Variants in CDK5RAP2 observed in about 807,000 individuals in gnomAD.
The protein encoded by CDK5RAP2 is CDK5 regulatory subunit associated protein 2.
In CDK5RAP2, 147 loss-of-function variants were observed where a neutral mutation model predicts 232.9. That is an observed-to-expected ratio of 0.63 (90% CI 0.55 to 0.72). The LOEUF is 0.72. Among genes scored for constraint, CDK5RAP2 ranks in the 30% least tolerant of loss-of-function variants. CDK5RAP2 has a pLI of 0.00. For missense variants in CDK5RAP2, 2,195 were observed against 2,231.5 expected (o/e 0.98, Z 0.33); for synonymous variants, 833 against 833.7 (o/e 1.00, Z 0.01).
chr9:120,514,376 A>G (rs552410080), intron 12 of CDK5RAP2, among the ~76,000 whole-genome samples: 102 of 152,232 alleles, frequency 6.7e-4, no homozygotes, highest in Middle Eastern at 6.8e-3. Flanking sequence ...ACACACGCAC[A>G]CACACACACA....
chr9:120,471,851 G>C lies in CDK5RAP2; in HGVS notation c.1755C>G (p.Asn585Lys). ...GTTGCTTCCGCAGGGCAAAAATCTTGTTTAACTCAGCCTGCAGGTTGTTGA... is the reference window on the plus strand; with the variant it reads ...GTTGCTTCCGCAGGGCAAAAATCTTCTTTAACTCAGCCTGCAGGTTGTTGA... ...DSINNLQAEL[N>K]KIFALRKQLE... The change falls in exon 16 of 38, where the codon AAC becomes AAG. Residue 585 changes from asparagine to lysine, a missense_variant. Physicochemically the swap from Asn to Lys is moderately conservative, Grantham distance 94. Coordinates refer to ENST00000349780, the MANE Select transcript of CDK5RAP2 (RefSeq NM_018249.6). 3 of 1,614,090 alleles carry C rather than the reference G, an allele frequency of 1.9e-6. No individual in the cohort carries two copies. Among genetic ancestry groups the C allele is most frequent in the Non-Finnish European group, 2.5e-6 (3 of 1,179,940 alleles).
intron 6 of CDK5RAP2, among the ~76,000 whole-genome samples, chr9:120,536,983 A>ATGTTTTC (rs2041420568): frequency 6.6e-6 from 1 of 152,042 alleles, no homozygotes; most frequent in Admixed American, 6.6e-5. Flanking sequence ...GTTGGGAAAA[A>ATGTTTTC]AAAAAAAAAA....
chr9:120,510,706 A>C (rs913462610), intron 12 of CDK5RAP2, among the ~76,000 whole-genome samples: 1 of 152,196 alleles, frequency 6.6e-6, no homozygotes, highest in Non-Finnish European at 1.5e-5. Flanking sequence ...AGGACACTTT[A>C]AACATCCCAG....
chr9:120,436,754 T>C (rs189679261), intron 25 of CDK5RAP2, among the ~76,000 whole-genome samples: 5 of 152,142 alleles, frequency 3.3e-5, no homozygotes, highest in Non-Finnish European at 7.4e-5. Context: ...TGGGAGTTCT[T>C]TGCTGTAGTC....
At chr9:120,502,293 C>A (rs1342615336) in intron 12 of CDK5RAP2, among the ~76,000 whole-genome samples, 2 of 152,208 alleles carry the variant, frequency 1.3e-5, no homozygotes, top group African/African-American at 4.8e-5. Flanking sequence ...CCCGTTAATT[C>A]TAAAAATGTT....
intron 36 of CDK5RAP2, among the ~76,000 whole-genome samples, chr9:120,392,554 G>A (rs2032087775): frequency 6.6e-6 from 1 of 152,178 alleles, no homozygotes; most frequent in South Asian, 2.1e-4. Context: ...CTGCTGAGGA[G>A]GAGAGATGCC....
chr9:120,391,716 G>A (rs972767766), intron 36 of CDK5RAP2, among the ~76,000 whole-genome samples: 2 of 152,234 alleles, frequency 1.3e-5, no homozygotes, highest in East Asian at 1.9e-4. Flanking sequence ...AAGGTATGGT[G>A]TCAGTTTGAC....
chr9:120,518,306 T>G, intron 12 of CDK5RAP2, 121 bp downstream of exon 12: 3 of 753,790 alleles, frequency 4.0e-6, no homozygotes, highest in Non-Finnish European at 6.8e-6. Context: ...TTCTAGGTAC[T>G]GAGATAATAA....
At chr9:120,464,472 A>C (rs1030436440) in intron 18 of CDK5RAP2, among the ~76,000 whole-genome samples, 1 of 152,190 alleles carries the variant, frequency 6.6e-6, no homozygotes, top group Admixed American at 6.5e-5. Context: ...ACAAATGAAT[A>C]AAGACTTTTT....
intron 25 of CDK5RAP2, among the ~76,000 whole-genome samples, chr9:120,429,640 C>T (rs1004337570): frequency 6.6e-6 from 1 of 152,172 alleles, no homozygotes; most frequent in Non-Finnish European, 1.5e-5. Context: ...ACATTCCATG[C>T]TCATGGGTAG....
At position 120,422,724 on chromosome 9, in the gene CDK5RAP2, C is replaced by T; in HGVS notation, c.3973G>A (p.Glu1325Lys). Residue 1325 changes from glutamate (E) to lysine (K), a missense_variant, in exon 26 of 38, where the codon GAA (glutamate) becomes AAA (lysine). By Grantham distance (56) the Glu-to-Lys change is moderately conservative. Coordinates refer to ENST00000349780, the MANE Select transcript of CDK5RAP2 (RefSeq NM_018249.6). ...LFLNGKSVGV[E>K]MNTQNELMER... ...ATCAGTTCATTCTGGGTGTTCATTT[C>T]CACTCCAACTGATTTTCCTGGAAGC... is the stretch of plus-strand genomic sequence containing the variant. 6.2e-7 allele frequency: 1 copy of T among 1,613,120 alleles called. No homozygotes were observed. The highest frequency in any genetic ancestry group is 8.5e-7 in the Non-Finnish European group (1 of 1,179,136).
chr9:120,422,799 T>C (rs535423345), intron 25 of CDK5RAP2, 58 bp from the exon 26 acceptor site: 1 of 1,313,122 alleles, frequency 7.6e-7, no homozygotes, highest in African/African-American at 1.4e-5. Context: ...AAGTGTTCCC[T>C]AATAATTTCC....
chr9:120,420,956 G>A (rs2034532969), intron 26 of CDK5RAP2, among the ~76,000 whole-genome samples: 1 of 152,190 alleles, frequency 6.6e-6, no homozygotes, highest in Non-Finnish European at 1.5e-5. Context: ...AAAAGGAGTG[G>A]CACATTGGTT....
chr9:120,402,748 C>G (rs202060038), intron 34 of CDK5RAP2, 58 bp downstream of exon 34: 8 of 1,602,706 alleles, frequency 5.0e-6, no homozygotes, highest in Non-Finnish European at 6.0e-6. Flanking sequence ...CTCCCCTCCC[C>G]CTTCCACCGA....
intron 16 of CDK5RAP2, among the ~76,000 whole-genome samples, chr9:120,471,452 A>G (rs953476501): frequency 1.3e-5 from 2 of 152,196 alleles, no homozygotes; most frequent in Non-Finnish European, 2.9e-5. Flanking sequence ...CAATTCCCCA[A>G]AAAAGGGGAT....
chr9:120,503,731 C>T (rs2039682769), intron 12 of CDK5RAP2, among the ~76,000 whole-genome samples: 1 of 152,076 alleles, frequency 6.6e-6, no homozygotes, highest in Admixed American at 6.5e-5. Flanking sequence ...ACAATGGGAG[C>T]CCAGCACAGA....
At chr9:120,497,011 C>T (rs1224903374) in intron 12 of CDK5RAP2, among the ~76,000 whole-genome samples, 18 of 135,942 alleles carry the variant, frequency 1.3e-4, no homozygotes, top group Admixed American at 8.4e-4. Context: ...GGATGGTTGC[C>T]GTGTCTGTGT....
intron 20 of CDK5RAP2, 103 bp from the exon 21 acceptor site, chr9:120,453,976 C>T (rs978765859): frequency 4.2e-5 from 49 of 1,168,684 alleles, no homozygotes; most frequent in Non-Finnish European, 6.0e-5. Context: ...TGCCCAGATT[C>T]CATCAAAACT....
chr9:120,482,678 C>A (rs2038389593), intron 14 of CDK5RAP2, among the ~76,000 whole-genome samples: 1 of 152,210 alleles, frequency 6.6e-6, no homozygotes, highest in African/African-American at 2.4e-5. Flanking sequence ...GTGTCCTGAG[C>A]CAGGCACAGT....
Sources: gnomAD v4.1 joint callset for allele counts (sites outside exome capture counted in the v4.1 genomes callset) on GRCh38, gnomAD v4.1.1 for gene constraint, MANE v1.5 for transcripts, NCBI Gene and HGNC (gene_info 2026-07-23, HGNC 2026-07-21) for gene names.